The following OSBPL8 variants were observed in gnomAD, a reference collection of about 807,000 sequenced individuals.
The protein encoded by OSBPL8 is oxysterol binding protein like 8.
A neutral mutation model predicts 125.5 loss-of-function variants in OSBPL8; 59 were observed. The observed-to-expected ratio is 0.47, with a 90% CI of 0.38 to 0.58. The LOEUF is 0.58. Among genes scored for constraint, OSBPL8 ranks in the 20% least tolerant of loss-of-function variants. OSBPL8 has a pLI of 0.00. For synonymous variants in OSBPL8, 330 were observed against 338.9 expected (o/e 0.97, Z 0.29); for missense variants, 758 against 1,047.8 (o/e 0.72, Z 3.82).
In OSBPL8 at chr12:76,474,791, A is replaced by C. The variant is rs115113734; in HGVS notation, c.42+12719T>G. On this transcript the variant is annotated intron_variant, in intron 2 of 23. Coordinates refer to ENST00000261183, the MANE Select transcript of OSBPL8 (RefSeq NM_020841.5). ...AGCCACTGCACCCAGCCCGAAATTA[A>C]ATTTTATGTCTATATGTATGTGTGT... Among the ~76,000 whole-genome samples, 234 of 152,296 alleles carry C rather than the reference A, an allele frequency of 1.5e-3. 1 individual carries two copies. Among genetic ancestry groups the C allele is most frequent in the African/African-American group, 5.5e-3 (229 of 41,560 alleles).
At chr12:76,358,984 T>C (rs1178327038) in intron 21 of OSBPL8, among the ~76,000 whole-genome samples, 173 bp from the exon 22 acceptor site, 1 of 152,250 alleles carries the variant, frequency 6.6e-6, no homozygotes, top group Non-Finnish European at 1.5e-5. Flanking sequence ...AATCAAATGA[T>C]CTTATTTTAA....
intron 2 of OSBPL8, among the ~76,000 whole-genome samples, chr12:76,479,256 C>A (rs1289292406): frequency 3.3e-5 from 5 of 152,044 alleles, no homozygotes; most frequent in Admixed American, 6.5e-5. Context: ...GGGATGGATA[C>A]CCCATCATCC....
intron 2 of OSBPL8, among the ~76,000 whole-genome samples, chr12:76,460,555 C>T (rs61925502): frequency 1.3e-5 from 2 of 149,776 alleles, no homozygotes; most frequent in East Asian, 3.9e-4. Context: ...GTCAGACAAA[C>T]TTTTCTTAGG....
chr12:76,557,848 A>C (rs980745337), intron 1 of OSBPL8, among the ~76,000 whole-genome samples: 1 of 152,216 alleles, frequency 6.6e-6, no homozygotes, highest in African/African-American at 2.4e-5. Context: ...AAATGCAGTA[A>C]CATTCTAAGG....
At chr12:76,471,330 TCTTCCTATA>T (rs1407963100) in intron 2 of OSBPL8, among the ~76,000 whole-genome samples, 3 of 152,160 alleles carry the variant, frequency 2.0e-5, no homozygotes, top group Middle Eastern at 3.2e-3. Flanking sequence ...CCCCTGCTCT[TCTTCCTATA>T]TTTTCTCCCT....
intron 15 of OSBPL8, among the ~76,000 whole-genome samples, chr12:76,381,966 C>T (rs771666246): frequency 3.3e-5 from 5 of 152,122 alleles, no homozygotes; most frequent in Non-Finnish European, 7.4e-5. Flanking sequence ...AACTCCTGAC[C>T]TCAGGTGATC....
intron 14 of OSBPL8, 45 bp from the exon 15 acceptor site, chr12:76,384,395 T>G: frequency 9.4e-7 from 1 of 1,068,318 alleles, no homozygotes; most frequent in Non-Finnish European, 1.3e-6. Flanking sequence ...TATAAAAACA[T>G]GTTTATATAA....
chr12:76,544,065 A>G (rs984793120), intron 1 of OSBPL8, among the ~76,000 whole-genome samples: 2 of 152,168 alleles, frequency 1.3e-5, no homozygotes, highest in Non-Finnish European at 2.9e-5. Context: ...CTCAGGATAT[A>G]ACTTTAATAC....
chr12:76,356,730 T>C lies in OSBPL8; in HGVS notation c.2435-2A>G. 1 of 1,559,472 alleles carries C rather than the reference T, an allele frequency of 6.4e-7. No individual in the cohort carries two copies. The highest frequency in any genetic ancestry group is 8.8e-7 in the Non-Finnish European group (1 of 1,135,724). On this transcript the variant is annotated splice_acceptor_variant, in intron 22 of 23. Transcript: ENST00000261183. LOFTEE classifies it high-confidence loss of function. ...TTGTACTTGGTTTTACTGATTGAGC[T>C]AAAAAGACATTTAGAATGAAGTTGA...
intron 4 of OSBPL8, among the ~76,000 whole-genome samples, chr12:76,447,612 C>T (rs1042363948): frequency 8.6e-5 from 13 of 151,962 alleles, no homozygotes; most frequent in South Asian, 4.2e-4. Flanking sequence ...GGCGCGATCT[C>T]GGCTCACTGC....
intron 2 of OSBPL8, among the ~76,000 whole-genome samples, chr12:76,487,282 C>T (rs578046238): frequency 1.2e-4 from 18 of 152,112 alleles, no homozygotes; most frequent in African/African-American, 4.1e-4. Context: ...CCACCCATCT[C>T]GGCCTCCCAA....
chr12:76,418,516 G>C (rs1026745927), intron 4 of OSBPL8, among the ~76,000 whole-genome samples: 3 of 152,062 alleles, frequency 2.0e-5, no homozygotes, highest in Admixed American at 6.6e-5. Flanking sequence ...CATTTTCTAA[G>C]GTTATAGAAC....
intron 1 of OSBPL8, among the ~76,000 whole-genome samples, chr12:76,490,480 C>T (rs1417912237): frequency 1.3e-5 from 2 of 152,194 alleles, no homozygotes; most frequent in African/African-American, 4.8e-5. Context: ...AGCTTGACCT[C>T]AGAAAGAGCC....
chr12:76,491,812 T>C (rs1878745070), intron 1 of OSBPL8, among the ~76,000 whole-genome samples: 1 of 152,246 alleles, frequency 6.6e-6, no homozygotes, highest in East Asian at 1.9e-4. Context: ...TGCACACTGA[T>C]ACTTGTATTT....
At chr12:76,514,835 A>G (rs1379468539) in intron 1 of OSBPL8, among the ~76,000 whole-genome samples, 1 of 152,092 alleles carries the variant, frequency 6.6e-6, no homozygotes, top group African/African-American at 2.4e-5. Flanking sequence ...TACTTCTCGA[A>G]GCTTTTGTTC....
chr12:76,455,572 G>C (rs968371501), intron 3 of OSBPL8, among the ~76,000 whole-genome samples: 2 of 152,074 alleles, frequency 1.3e-5, no homozygotes, highest in Non-Finnish European at 1.5e-5. Context: ...GATTTTGATA[G>C]CCGTGAAGTA....
intron 1 of OSBPL8, among the ~76,000 whole-genome samples, chr12:76,539,279 T>A (rs1272495071): frequency 1.3e-5 from 2 of 152,140 alleles, no homozygotes; most frequent in Non-Finnish European, 2.9e-5. Context: ...TATGTCTCTG[T>A]TTTAATAAAA....
chr12:76,450,884 G>A lies in OSBPL8; in HGVS notation c.184C>T (p.Pro62Ser). The A allele has an allele frequency of 6.2e-7, 1 of 1,613,352 alleles. No individual in the cohort carries two copies. Among genetic ancestry groups the A allele is most frequent in the Non-Finnish European group, 8.5e-7 (1 of 1,179,672 alleles). The change falls in exon 4 of 24, where the codon CCA (proline) becomes TCA (serine). Residue 62 changes from proline to serine, a missense_variant. This residue lies in a region of OSBPL8 where 117 missense variants were observed against 137.1 expected (regional missense o/e 0.85). Coordinates refer to ENST00000261183, the MANE Select transcript of OSBPL8 (RefSeq NM_020841.5). The part of the protein sequence containing the change: ...YPTPTKDLHQ[P>S]SLSPASPHSQ... ...TGAGGACTTGCTGGACTAAGAGATG[G>A]CTGATGCAAATCTTTGGTTGGCGTT...
chr12:76,510,811 C>G (rs1351369354), intron 1 of OSBPL8, among the ~76,000 whole-genome samples: 1 of 150,686 alleles, frequency 6.6e-6, no homozygotes, highest in African/African-American at 2.4e-5. Context: ...ACCCCGGGAG[C>G]TGGAGGTTGT....
Sources: allele counts gnomAD v4.1 joint callset (sites outside exome capture counted in the v4.1 genomes callset), GRCh38; gene constraint gnomAD v4.1.1; regional missense constraint gnomAD v4.1.1; transcripts MANE v1.5; gene names NCBI Gene and HGNC (gene_info 2026-07-23, HGNC 2026-07-21).